Variants in NCOA2 observed in about 807,000 individuals in gnomAD.
NCOA2 encodes the protein class E basic helix-loop-helix protein 75.
A neutral mutation model predicts 145.1 loss-of-function variants in NCOA2; 21 were observed. That is an observed-to-expected ratio of 0.14 (90% confidence interval 0.10 to 0.21). The LOEUF (loss-of-function observed/expected upper bound fraction) is 0.21, where lower values mean the gene tolerates loss of function less well. NCOA2 is among the 10% of genes least tolerant of loss of function. The pLI is 1.00. For synonymous variants in NCOA2, 619 were observed against 637.5 expected (o/e 0.97, Z 0.44); for missense variants, 1,472 against 1,837.6 (o/e 0.80, Z 3.64).
At chr8:70,299,080 AAC>A (rs1827300181) in intron 1 of NCOA2, among the ~76,000 whole-genome samples, 1 of 152,196 alleles carries the variant, frequency 6.6e-6, no homozygotes. Context: ...CAAACAAACA[AAC>A]AAAAAAAACC....
chr8:70,141,169 C>T lies in NCOA2; in HGVS notation c.3028+15G>A. On this transcript the variant is annotated intron_variant, in intron 14 of 22. Coordinates refer to ENST00000452400, the MANE Select transcript of NCOA2 (RefSeq NM_006540.4). ...GCATAAAAGTTAAAAGCAAACAGCA[C>T]TAGAGCCACCTTACCTATATTCATG... The T allele has an allele frequency of 1.9e-6, 3 of 1,611,022 alleles. No individual in the cohort carries two copies. The highest frequency in any genetic ancestry group is 2.5e-6 in the Non-Finnish European group (3 of 1,178,400).
In NCOA2 at chr8:70,137,974, T is replaced by A. The variant is rs577182649; in HGVS notation, c.3158+229A>T. ...TTTTATACCACACACTACCTCAATA[T>A]TACAGTTATCAGCATACATATGTTA... On this transcript the variant is annotated intron_variant, in intron 15 of 22. Coordinates refer to ENST00000452400, the MANE Select transcript of NCOA2 (RefSeq NM_006540.4). The A allele has an allele frequency of 7.1e-4, 255 of 359,954 alleles. 6 individuals carry two copies. In the South Asian group the frequency reaches 0.029, roughly 41 times the overall value. 22.3% of individuals were successfully genotyped at this position (359,954 alleles called of 1,614,324 possible). A position where few individuals can be genotyped will look rare whatever the true frequency, so the allele number is the denominator to read the frequency against.
chr8:70,372,016 GAAA>G (rs1811268934), intron 1 of NCOA2, among the ~76,000 whole-genome samples: 1 of 152,030 alleles, frequency 6.6e-6, no homozygotes, highest in South Asian at 2.1e-4. Flanking sequence ...AAGTATTAGG[GAAA>G]AAATGTTATT....
intron 12 of NCOA2, among the ~76,000 whole-genome samples, chr8:70,145,724 A>T (rs911264058): frequency 6.6e-6 from 1 of 151,818 alleles, no homozygotes; most frequent in Non-Finnish European, 1.5e-5. Context: ...GCTTAAGAAA[A>T]GGTTAAGAGA....
At chr8:70,320,007 A>G (rs1805917938) in intron 1 of NCOA2, among the ~76,000 whole-genome samples, 1 of 152,220 alleles carries the variant, frequency 6.6e-6, no homozygotes. Context: ...CAATTCAAAC[A>G]TAACTATTAA....
rs529222776 is a variant in NCOA2 at position 70,254,689 on chromosome 8, C to T, written c.-19-37925G>A. Among the ~76,000 whole-genome samples, 18 of 3,872 alleles carry T rather than the reference C, an allele frequency of 4.6e-3. No homozygotes were observed. In the South Asian group the frequency reaches 0.054, roughly 12 times the overall value. 2.5% of individuals were successfully genotyped at this position (3,872 alleles called of 152,430 possible). On this transcript the variant is annotated intron_variant, in intron 2 of 22. Transcript: ENST00000452400. ...CAATTAGAATGGTGGTTACCAGGGG[C>T]GGGCGGGGGTGGGGGCAGGTAGGAA...
In NCOA2 at chr8:70,159,243, T is replaced by TACA. The variant is rs869045939; in HGVS notation, c.1124+261_1124+262insTGT. ...AACATTATATATATATATATATATA[T>TACA]TTTTTTTTTTTTCCCCCAAATATTT... is the stretch of plus-strand genomic sequence containing the variant. On this transcript the variant is annotated intron_variant, in intron 10 of 22. Coordinates refer to ENST00000452400, the MANE Select transcript of NCOA2 (RefSeq NM_006540.4). 6.1e-5 allele frequency among the ~76,000 whole-genome samples: 5 copies of TACA among 82,070 alleles called. 1 individual carries two copies. Among genetic ancestry groups the TACA allele is most frequent in the Admixed American group, 5.9e-4 (4 of 6,832 alleles). The allele number at this position is 82,070 out of a possible 152,430, so 53.8% of individuals were successfully genotyped here.
At chr8:70,430,077 T>C in the NCOA2 span, among the ~76,000 whole-genome samples, 2 of 152,158 alleles carry the variant, frequency 1.3e-5, no homozygotes, top group Non-Finnish European at 2.9e-5. Context: ...GATCTTGAAC[T>C]CTTGGGCTCG....
upstream of NCOA2, among the ~76,000 whole-genome samples, chr8:70,408,569 CG>C (rs1814815095): frequency 6.6e-6 from 1 of 152,056 alleles, no homozygotes; most frequent in Non-Finnish European, 1.5e-5. Context: ...GAAGCTGAGG[CG>C]GGAAGATCAC....
intron 1 of NCOA2, among the ~76,000 whole-genome samples, chr8:70,385,224 A>G (rs1812554021): frequency 6.6e-6 from 1 of 152,168 alleles, no homozygotes; most frequent in South Asian, 2.1e-4. Flanking sequence ...ATAACTAACC[A>G]AGATTTATTG....
At chr8:70,341,089 A>AAAAAAAAAG (rs1808099464) in intron 1 of NCOA2, among the ~76,000 whole-genome samples, 1 of 150,478 alleles carries the variant, frequency 6.6e-6, no homozygotes, top group Admixed American at 6.6e-5. Flanking sequence ...GTTGAAAAAA[A>AAAAAAAAAG]AAAAAAAAGA....
the NCOA2 span, among the ~76,000 whole-genome samples, chr8:70,446,226 G>A: frequency 3.3e-5 from 5 of 152,134 alleles, no homozygotes; most frequent in Non-Finnish European, 1.5e-5. Context: ...CGGCTCACTC[G>A]GAGAACTGGG....
rs372970941 is a variant in NCOA2 at position 70,163,507 on chromosome 8, G to C, written c.790C>G (p.Leu264Val). Residue 264 changes from leucine to valine, a missense_variant, in exon 8 of 23, where the codon CTT (leucine) becomes GTT (valine). Coordinates refer to ENST00000452400, the MANE Select transcript of NCOA2 (RefSeq NM_006540.4). ...RRVPMKERPV[L>V]PSSESFTTRQ... Reference sequence around the variant, plus strand: ...GTAGTAAAACTTTCTGATGAGGGAAGAACTGGTCTTTCCTTCATGGGAACT... The same window carrying C: ...GTAGTAAAACTTTCTGATGAGGGAACAACTGGTCTTTCCTTCATGGGAACT... 1.2e-6 allele frequency: 2 copies of C among 1,613,948 alleles called. No homozygotes were observed. Among genetic ancestry groups the C allele is most frequent in the African/African-American group, 2.7e-5 (2 of 75,040 alleles).
intron 11 of NCOA2, among the ~76,000 whole-genome samples, chr8:70,149,016 G>A (rs1811437208): frequency 6.6e-6 from 1 of 151,734 alleles, no homozygotes; most frequent in African/African-American, 2.4e-5. Flanking sequence ...GGGGTGGGGA[G>A]AGAGAAGCAA....
chr8:70,265,128 G>T (rs192772636), intron 2 of NCOA2, among the ~76,000 whole-genome samples: 38 of 152,336 alleles, frequency 2.5e-4, no homozygotes, highest in Non-Finnish European at 4.6e-4. Flanking sequence ...TAATGTGATA[G>T]TATTTGGAGG....
intron 1 of NCOA2, among the ~76,000 whole-genome samples, chr8:70,373,093 GT>G (rs1563817695): frequency 6.6e-6 from 1 of 152,150 alleles, no homozygotes; most frequent in Non-Finnish European, 1.5e-5. Flanking sequence ...AAAAGTCTTT[GT>G]GGACATGTGC....
intron 1 of NCOA2, among the ~76,000 whole-genome samples, chr8:70,339,432 A>G (rs1807926370): frequency 6.6e-6 from 1 of 152,224 alleles, no homozygotes; most frequent in Non-Finnish European, 1.5e-5. Context: ...GAAATCACAG[A>G]GGAGACAAAC....
At chr8:70,289,774 T>G (rs905262970) in intron 2 of NCOA2, among the ~76,000 whole-genome samples, 5 of 152,132 alleles carry the variant, frequency 3.3e-5, no homozygotes, top group Admixed American at 6.5e-5. Context: ...TGGACTACAT[T>G]GATTTAAACT....
At chr8:70,302,372 A>G (rs960245912) in intron 1 of NCOA2, among the ~76,000 whole-genome samples, 1 of 152,156 alleles carries the variant, frequency 6.6e-6, no homozygotes, top group Admixed American at 6.5e-5. Context: ...AAATTGACTG[A>G]TTAACTTCTA....
Sources: allele counts gnomAD v4.1 joint callset (sites outside exome capture counted in the v4.1 genomes callset), GRCh38; gene constraint gnomAD v4.1.1; transcripts MANE v1.5; gene names NCBI Gene and HGNC (gene_info 2026-07-23, HGNC 2026-07-21).